The following CCDC30 variants were observed in gnomAD, a reference collection of about 807,000 sequenced individuals.
CCDC30 encodes the protein coiled-coil domain-containing protein 30.
A neutral mutation model predicts 100.2 loss-of-function variants in CCDC30; 70 were observed. That is an observed-to-expected ratio of 0.70 (90% confidence interval 0.58 to 0.85). The LOEUF (loss-of-function observed/expected upper bound fraction) is 0.85. Ranked by LOEUF, CCDC30 falls within the 40% of genes least tolerant of loss-of-function variation. The pLI is 0.00. For missense variants in CCDC30, 652 were observed against 771.2 expected (o/e 0.85, Z 1.83); for synonymous variants, 233 against 269.5 (o/e 0.86, Z 1.33).
chr1:42,498,272 G>A (rs1405671138), intron 5 of CCDC30, among the ~76,000 whole-genome samples: 1 of 152,200 alleles, frequency 6.6e-6, no homozygotes, highest in African/African-American at 2.4e-5. Context: ...ATTGCCAGTG[G>A]CTGGGGAGAG....
chr1:42,459,425 T>G, upstream of CCDC30: 1 of 630,854 alleles, frequency 1.6e-6, no homozygotes, highest in Non-Finnish European at 2.7e-6. Context: ...CCTTCCAAAG[T>G]GCTGGGATTA....
intron 7 of CCDC30, 120 bp from the exon 12 acceptor site, chr1:42,576,900 G>A (rs1197406394): frequency 7.3e-6 from 5 of 686,724 alleles, no homozygotes; most frequent in Non-Finnish European, 1.2e-5. Context: ...GAGGTACTCA[G>A]CCATGTGACA....
At chr1:42,619,787 A>C (rs1257302163) in intron 11 of CCDC30, among the ~76,000 whole-genome samples, 3 of 152,180 alleles carry the variant, frequency 2.0e-5, no homozygotes, top group Non-Finnish European at 4.4e-5. Flanking sequence ...TATAGATGCA[A>C]ATCCCCGCCC....
chr1:42,472,475 T>C (rs559584635), intron 1 of CCDC30, among the ~76,000 whole-genome samples: 77 of 152,144 alleles, frequency 5.1e-4, no homozygotes, highest in African/African-American at 1.7e-3. Context: ...GTGAGTAAAA[T>C]AAATCCTGGA....
At chr1:42,635,235 G>A (rs894625474) in intron 11 of CCDC30, among the ~76,000 whole-genome samples, 2 of 151,832 alleles carry the variant, frequency 1.3e-5, no homozygotes, top group African/African-American at 4.8e-5. Context: ...TAGTAGAGAC[G>A]GGGTTTCATC....
chr1:42,577,603 C>T (rs375326313), intron 8 of CCDC30, among the ~76,000 whole-genome samples: 13 of 151,804 alleles, frequency 8.6e-5, no homozygotes, highest in Non-Finnish European at 1.6e-4. Context: ...AACAATTGTA[C>T]GTGTTCATGG....
intron 1 of CCDC30, chr1:42,473,219 C>G (rs1446298435): frequency 8.1e-7 from 1 of 1,231,322 alleles, no homozygotes; most frequent in African/African-American, 1.6e-5. Context: ...GTGCTTATTC[C>G]AGCCAGCACA....
At chr1:42,586,562 C>T (rs1646074290) in intron 9 of CCDC30, among the ~76,000 whole-genome samples, 1 of 152,110 alleles carries the variant, frequency 6.6e-6, no homozygotes, top group African/African-American at 2.4e-5. Flanking sequence ...GCCTCAGACT[C>T]CCAAAGTGTT....
At chr1:42,640,290 A>T (rs547164901) in intron 12 of CCDC30, among the ~76,000 whole-genome samples, 1 of 152,202 alleles carries the variant, frequency 6.6e-6, no homozygotes, top group East Asian at 1.9e-4. Context: ...AGACTTTCCC[A>T]TTTTATCCTA....
intron 5 of CCDC30, 129 bp downstream of exon 5, chr1:42,497,342 T>C: frequency 2.3e-6 from 1 of 431,142 alleles, no homozygotes; most frequent in Middle Eastern, 4.8e-4. Flanking sequence ...CTGTAATATC[T>C]CAGGGGGATG....
At chr1:42,552,609 A>T (rs1011250221) in intron 6 of CCDC30, among the ~76,000 whole-genome samples, 210 of 113,962 alleles carry the variant, frequency 1.8e-3, no homozygotes, top group African/African-American at 5.7e-3. Flanking sequence ...GAAAAATTTT[A>T]AAAAAAATTA....
intron 11 of CCDC30, among the ~76,000 whole-genome samples, chr1:42,620,366 A>G (rs1646807330): frequency 1.3e-5 from 2 of 152,120 alleles, no homozygotes; most frequent in Admixed American, 6.6e-5. Context: ...AAACCTTCAC[A>G]TGTGCCCCCA....
At chr1:42,483,524 A>G (rs1643999536) in intron 3 of CCDC30, among the ~76,000 whole-genome samples, 1 of 152,172 alleles carries the variant, frequency 6.6e-6, no homozygotes, top group African/African-American at 2.4e-5. Context: ...AATACTTGGT[A>G]CTGTCAGTCT....
intron 11 of CCDC30, among the ~76,000 whole-genome samples, chr1:42,631,998 G>GT (rs1647047006): frequency 6.6e-6 from 1 of 152,176 alleles, no homozygotes; most frequent in Non-Finnish European, 1.5e-5. Context: ...TACCTATGCT[G>GT]TAAGACTAAG....
chr1:42,473,360 C>T lies in CCDC30; in HGVS notation c.-91-7101C>T, dbSNP rs1245975430. On this transcript the variant is annotated intron_variant, in intron 1 of 16. Coordinates refer to ENST00000668663, the Ensembl canonical transcript of CCDC30. ...ACCTGTGATTTTGTTCATTGCCCTT[C>T]ATTAAATTGACATATTAAAAACTAA... The T allele has an allele frequency of 1.2e-5, 12 of 977,962 alleles. No homozygotes were observed. In the Admixed American group the frequency reaches 5.1e-4, roughly 42 times the overall value. The allele number at this position is 977,962 out of a possible 1,614,324, so 60.6% of individuals were successfully genotyped here.
Position 42,510,702 on chromosome 1 carries a change from C to T in CCDC30, c.456+11786C>T, listed in dbSNP as rs967773848. 3.3e-5 allele frequency among the ~76,000 whole-genome samples: 5 copies of T among 151,720 alleles called. No homozygotes were observed. In the South Asian group the frequency reaches 6.2e-4, roughly 19 times the overall value. ...AAAGCTTCTATATACTTATCAGCAT[C>T]GTCAGAAAATTGGCCTAAGTCTCCC... is the stretch of plus-strand genomic sequence containing the variant. On this transcript the variant is annotated intron_variant, in intron 6 of 16. Transcript: ENST00000668663.
intron 6 of CCDC30, chr1:42,556,354 C>G: frequency 5.6e-6 from 9 of 1,614,028 alleles, no homozygotes; most frequent in Non-Finnish European, 7.6e-6. Flanking sequence ...TAAATCAGAG[C>G]CTTCTTCAGT....
upstream of CCDC30, chr1:42,459,480 T>A: frequency 1.1e-6 from 1 of 880,116 alleles, no homozygotes; most frequent in Non-Finnish European, 1.7e-6. Context: ...AAACTAAACA[T>A]TTAACTGAAA....
At chr1:42,587,540 A>G (rs1298699452) in intron 9 of CCDC30, among the ~76,000 whole-genome samples, 3 of 152,224 alleles carry the variant, frequency 2.0e-5, no homozygotes, top group Non-Finnish European at 4.4e-5. Context: ...AAAATTAGCT[A>G]TAGCAGTCCT....
Sources: allele counts gnomAD v4.1 joint callset (sites outside exome capture counted in the v4.1 genomes callset), GRCh38; gene constraint gnomAD v4.1.1; transcripts MANE v1.5; gene names NCBI Gene and HGNC (gene_info 2026-07-23, HGNC 2026-07-21).